Variants in FBLN7 observed in about 807,000 individuals in gnomAD.
FBLN7 encodes the protein fibulin-7.
Under a neutral mutation model 44.0 loss-of-function variants are expected in FBLN7, and 31 were observed. That is an observed-to-expected ratio of 0.70 (90% CI 0.53 to 0.95). The LOEUF is 0.95. Ranked by LOEUF, FBLN7 falls within the 40% of genes least tolerant of loss-of-function variation. FBLN7 has a pLI of 0.00. For synonymous variants in FBLN7, 262 were observed against 253.4 expected, an observed-to-expected ratio of 1.03 and a Z score of -0.32; for missense variants, 573 against 618.5, an observed-to-expected ratio of 0.93 and a Z score of 0.78.
At chr2:112,225,566 C>G in the FBLN7 span, among the ~76,000 whole-genome samples, 2 of 152,338 alleles carry the variant, frequency 1.3e-5, no homozygotes, top group East Asian at 3.9e-4. Flanking sequence ...CCTGTAATCC[C>G]AACACTTTGG....
rs148860208 is a variant in FBLN7, at chr2:112,141,412, A to G, written c.75+2682A>G. 1.8e-3 allele frequency among the ~76,000 whole-genome samples: 281 copies of G among 152,292 alleles called. 1 individual carries two copies. The highest frequency in any genetic ancestry group is 6.7e-3 in the African/African-American group (277 of 41,572). ...CTTCCTGGGCCAGGCAGGCATGCCC[A>G]TGGCCACCTAGAGGCCCCTACGGTG... is the stretch of plus-strand genomic sequence containing the variant. On this transcript the variant is annotated intron_variant, in intron 1 of 7. Transcript: ENST00000331203.
the FBLN7 span, chr2:112,236,749 C>G: frequency 6.7e-7 from 1 of 1,501,610 alleles, no homozygotes; most frequent in South Asian, 1.2e-5. Context: ...TAGCAGTTTA[C>G]TTTTAAGAAG....
downstream of FBLN7, chr2:112,190,625 T>C (rs1229268852): frequency 6.6e-6 from 1 of 152,212 alleles, no homozygotes; most frequent in Admixed American, 6.5e-5. Context: ...CTACTGTCTT[T>C]GTTTTTGCTC....
chr2:112,182,371 A>G (rs1160310859), intron 5 of FBLN7, among the ~76,000 whole-genome samples: 2 of 152,230 alleles, frequency 1.3e-5, no homozygotes, highest in Admixed American at 1.3e-4. Flanking sequence ...AGATCTGGTC[A>G]GTTGGTGCTA....
intron 1 of FBLN7, among the ~76,000 whole-genome samples, chr2:112,158,718 C>T (rs1008404611): frequency 2.0e-5 from 3 of 152,126 alleles, no homozygotes; most frequent in African/African-American, 4.8e-5. Context: ...GGATTACAGG[C>T]ATGAACCACC....
At chr2:112,213,898 TTC>T in the FBLN7 span, 1 of 150,286 alleles carries the variant, frequency 6.7e-6, no homozygotes, top group Non-Finnish European at 1.5e-5. Context: ...GAAATGAGAA[TTC>T]TGTCCATTCT....
At chr2:112,221,062 G>C in the FBLN7 span, among the ~76,000 whole-genome samples, 5 of 152,274 alleles carry the variant, frequency 3.3e-5, no homozygotes, top group Middle Eastern at 0.01. Context: ...CAAGTTGCTT[G>C]GTTTCTCTTC....
the FBLN7 span, among the ~76,000 whole-genome samples, chr2:112,224,148 G>C: frequency 2.6e-5 from 4 of 152,000 alleles, no homozygotes; most frequent in Non-Finnish European, 4.4e-5. Context: ...GTCTCAAAAG[G>C]CATTAATATT....
At chr2:112,209,433 C>G in the FBLN7 span, among the ~76,000 whole-genome samples, 1 of 152,148 alleles carries the variant, frequency 6.6e-6, no homozygotes, top group East Asian at 1.9e-4. Flanking sequence ...TGTGAAATGG[C>G]AATGACATCA....
chr2:112,177,264 T>C (rs1346381470), intron 4 of FBLN7: 1 of 152,216 alleles, frequency 6.6e-6, no homozygotes, highest in Non-Finnish European at 1.5e-5. Flanking sequence ...GTTGCTCAGG[T>C]CCAGGGGGGC....
the FBLN7 span, among the ~76,000 whole-genome samples, chr2:112,197,292 G>C: frequency 3.3e-4 from 49 of 150,524 alleles, no homozygotes; most frequent in African/African-American, 1.2e-3. Flanking sequence ...GAGAGAGAGA[G>C]AGAGAGAGAG....
intron 3 of FBLN7, among the ~76,000 whole-genome samples, chr2:112,169,699 G>T (rs1050338227): frequency 1.3e-5 from 2 of 152,162 alleles, no homozygotes; most frequent in Non-Finnish European, 2.9e-5. Context: ...CACGACCCTG[G>T]CCTCTGGGGT....
At chr2:112,141,549 G>A (rs1680649523) in intron 1 of FBLN7, among the ~76,000 whole-genome samples, 1 of 152,212 alleles carries the variant, frequency 6.6e-6, no homozygotes, top group South Asian at 2.1e-4. Flanking sequence ...AGGCAGCAGA[G>A]GCCCAGTTTG....
chr2:112,234,180 A>T, the FBLN7 span: 1 of 1,611,052 alleles, frequency 6.2e-7, no homozygotes, highest in Non-Finnish European at 8.5e-7. Flanking sequence ...GTTCCACTGT[A>T]TGTTGGTTGA....
Position 112,138,515 on chromosome 2 carries a change from C to A in FBLN7, c.-141C>A. 1.7e-6 allele frequency: 2 copies of A among 1,172,472 alleles called. No homozygotes were observed. The highest frequency in any genetic ancestry group is 3.5e-5 in the East Asian group (1 of 28,754). The allele number at this position is 1,172,472 out of a possible 1,614,324, so 72.6% of individuals were successfully genotyped here. A position where few individuals can be genotyped will look rare whatever the true frequency, so the allele number is the denominator to read the frequency against. On this transcript the variant is annotated 5_prime_UTR_variant, in exon 1 of 8. Transcript: ENST00000331203. ...GGGACGCGCTGCGCTCGGGGCCTCC[C>A]GCCTCCCCCCCTGCCCCAGCCGCCC... is the stretch of plus-strand genomic sequence containing the variant.
At chr2:112,179,025 T>C (rs1682859814) in intron 4 of FBLN7, among the ~76,000 whole-genome samples, 1 of 152,218 alleles carries the variant, frequency 6.6e-6, no homozygotes, top group Non-Finnish European at 1.5e-5. Flanking sequence ...CGCATCCAAA[T>C]AGGAAGAGAG....
chr2:112,207,093 A>G, the FBLN7 span, among the ~76,000 whole-genome samples: 2 of 152,194 alleles, frequency 1.3e-5, no homozygotes, highest in Non-Finnish European at 2.9e-5. Context: ...AATTATTTCA[A>G]TACTTTTAAA....
At chr2:112,152,923 T>A (rs904845327) in intron 1 of FBLN7, 1 of 152,258 alleles carries the variant, frequency 6.6e-6, no homozygotes, top group Admixed American at 6.5e-5. Context: ...TGTTATATAT[T>A]ACAATATTAC....
chr2:112,160,259 G>A (rs1393914194), intron 2 of FBLN7, among the ~76,000 whole-genome samples: 1 of 152,208 alleles, frequency 6.6e-6, no homozygotes. Context: ...CAAAGTGCTG[G>A]GATGACAGGC....
Sources: gnomAD v4.1 joint callset for allele counts (sites outside exome capture counted in the v4.1 genomes callset) on GRCh38, gnomAD v4.1.1 for gene constraint, MANE v1.5 for transcripts, NCBI Gene and HGNC (gene_info 2026-07-23, HGNC 2026-07-21) for gene names.